CUX1: variants seen among roughly 807,000 people sequenced by gnomAD.
CUX1 encodes protein CASP.
Under a neutral mutation model 158.8 loss-of-function variants are expected in CUX1, and 31 were observed. The observed-to-expected ratio is 0.20, with a 90% CI of 0.15 to 0.26. The LOEUF is 0.26. Ranked by LOEUF, CUX1 falls within the 10% of genes least tolerant of loss-of-function variation. The pLI, the probability that CUX1 is intolerant of heterozygous loss-of-function variation, is 1.00. For missense variants in CUX1, 1,589 were observed against 2,014.6 expected, an observed-to-expected ratio of 0.79 and a Z score of 4.04; for synonymous variants, 879 against 862.1, an observed-to-expected ratio of 1.02 and a Z score of -0.34.
chr7:102,046,347 C>T (rs1822798295), intron 3 of CUX1, among the ~76,000 whole-genome samples: 1 of 152,138 alleles, frequency 6.6e-6, no homozygotes, highest in Non-Finnish European at 1.5e-5. Context: ...ATTCTCCTGC[C>T]TCAGCCTCTG....
chr7:102,070,437 G>A lies in CUX1; in HGVS notation c.268+20G>A. 1 of 1,589,476 alleles carries A rather than the reference G, an allele frequency of 6.3e-7. No homozygotes were observed. ...TCCCAGGTAAGCCCCGGCAGTAATG[G>A]CCCACCAGTGGGGGGCGTTGTGTCT... On this transcript the variant is annotated intron_variant, in intron 4 of 23. Transcript: ENST00000292535.
At chr7:101,984,921 C>T (rs779614726) in intron 2 of CUX1, among the ~76,000 whole-genome samples, 12 of 152,102 alleles carry the variant, frequency 7.9e-5, no homozygotes, top group Admixed American at 2.0e-4. Context: ...TGTTTTAAAA[C>T]GTCTGAGAAT....
chr7:102,068,815 G>A (rs140646420), intron 3 of CUX1, among the ~76,000 whole-genome samples: 33 of 152,242 alleles, frequency 2.2e-4, no homozygotes, highest in Non-Finnish European at 3.5e-4. Context: ...TGCGTGTTTC[G>A]GCTGTAAAGT....
In CUX1 at chr7:102,203,281, C is replaced by G. The variant is rs1297473443; in HGVS notation, c.2907+1077C>G. Among the ~76,000 whole-genome samples, 5 of 152,190 alleles carry G rather than the reference C, an allele frequency of 3.3e-5. No homozygotes were observed. The East Asian group carries it at 9.6e-4, about 29-fold the overall frequency. ...TGAATAGAAGGAGAAGCACCCCTCT[C>G]CCCTAAAAGGCACCTTCCTGAGGGA... On this transcript the variant is annotated intron_variant, in intron 18 of 23. Coordinates refer to ENST00000292535, the MANE Select transcript of CUX1 (RefSeq NM_181552.4).
At chr7:101,952,264 T>C (rs1287042413) in intron 2 of CUX1, among the ~76,000 whole-genome samples, 1 of 152,202 alleles carries the variant, frequency 6.6e-6, no homozygotes, top group Admixed American at 6.5e-5. Flanking sequence ...CATATGCCTG[T>C]ATTCCCAGCT....
At chr7:102,036,922 G>A (rs898192029) in intron 3 of CUX1, among the ~76,000 whole-genome samples, 1 of 152,208 alleles carries the variant, frequency 6.6e-6, no homozygotes, top group Non-Finnish European at 1.5e-5. Context: ...CGAGTGCACT[G>A]GCTGCTATCT....
chr7:102,227,307 G>T (rs781949729), intron 20 of CUX1, 60 bp from the exon 21 acceptor site: 12 of 1,433,640 alleles, frequency 8.4e-6, no homozygotes, highest in Non-Finnish European at 1.2e-5. Context: ...AAGGAACGTA[G>T]ATGGTCGTGG....
rs375606420 is a variant in CUX1 at position 102,066,294 on chromosome 7, T to A, written c.190-4045T>A. Among the ~76,000 whole-genome samples the A allele has an allele frequency of 3.7e-4, 57 of 152,250 alleles. 1 individual carries two copies. The highest frequency in any genetic ancestry group is 1.3e-3 in the African/African-American group (52 of 41,542). ...GTTTCTGTGTCCAGGTTTCTCCTCC[T>A]TATTGGATCCAACTGGACGAGGGCC... is the stretch of plus-strand genomic sequence containing the variant. On this transcript the variant is annotated intron_variant, in intron 3 of 23. Coordinates refer to ENST00000292535, the MANE Select transcript of CUX1 (RefSeq NM_181552.4).
At chr7:101,991,547 T>G (rs1815131969) in intron 2 of CUX1, among the ~76,000 whole-genome samples, 2 of 152,152 alleles carry the variant, frequency 1.3e-5, no homozygotes, top group South Asian at 2.1e-4. Flanking sequence ...TCACTTGAGG[T>G]CAGGAGTTCC....
chr7:102,227,357 T>G lies in CUX1; in HGVS notation c.3131-10T>G. The G allele has an allele frequency of 6.3e-7, 1 of 1,595,220 alleles. No individual in the cohort carries two copies. The highest frequency in any genetic ancestry group is 8.6e-7 in the Non-Finnish European group (1 of 1,166,200). ...TTTCAGGCACGGTTTCTCGTGTGCT[T>G]TAATTACAGAAAGCACTCCAAAGAC... On this transcript the variant is annotated splice_polypyrimidine_tract_variant and intron_variant, in intron 20 of 23. Coordinates refer to ENST00000292535, the MANE Select transcript of CUX1 (RefSeq NM_181552.4).
chr7:102,169,810 C>CCAG (rs1791512843), intron 9 of CUX1, among the ~76,000 whole-genome samples: 1 of 152,206 alleles, frequency 6.6e-6, no homozygotes, highest in South Asian at 2.1e-4. Flanking sequence ...CCCGCAGCCC[C>CCAG]CAGCACTGGT....
chr7:102,038,370 G>C (rs570956837), intron 3 of CUX1, among the ~76,000 whole-genome samples: 1 of 152,264 alleles, frequency 6.6e-6, no homozygotes, highest in South Asian at 2.1e-4. Context: ...GCATGTCAAT[G>C]GGGGGAGAAA....
chr7:101,987,433 C>G (rs1227183954), intron 2 of CUX1, among the ~76,000 whole-genome samples: 1 of 152,200 alleles, frequency 6.6e-6, no homozygotes, highest in Non-Finnish European at 1.5e-5. Flanking sequence ...ATGGTGAGTC[C>G]TGGAGCACTG....
At chr7:101,979,813 C>G (rs921934747) in intron 2 of CUX1, among the ~76,000 whole-genome samples, 1 of 152,158 alleles carries the variant, frequency 6.6e-6, no homozygotes, top group African/African-American at 2.4e-5. Context: ...CCATGCCCAG[C>G]TAATTTTTGT....
intron 1 of CUX1, among the ~76,000 whole-genome samples, chr7:101,870,821 A>G (rs1033034768): frequency 6.6e-6 from 1 of 152,224 alleles, no homozygotes; most frequent in African/African-American, 2.4e-5. Flanking sequence ...TGAGGACAGT[A>G]TAGAGTTTTG....
chr7:102,059,243 T>C (rs1824491326), intron 3 of CUX1, among the ~76,000 whole-genome samples: 1 of 152,212 alleles, frequency 6.6e-6, no homozygotes, highest in African/African-American at 2.4e-5. Context: ...CTTTTAATCT[T>C]GTGCTGTCCC....
intron 2 of CUX1, among the ~76,000 whole-genome samples, chr7:101,922,875 G>C (rs1353076735): frequency 6.6e-6 from 1 of 152,256 alleles, no homozygotes; most frequent in African/African-American, 2.4e-5. Flanking sequence ...CATGTCAGGA[G>C]GGAGCAGCAG....
chr7:102,053,717 T>C (rs775086783), intron 3 of CUX1, among the ~76,000 whole-genome samples: 14 of 152,136 alleles, frequency 9.2e-5, no homozygotes, highest in Non-Finnish European at 1.9e-4. Flanking sequence ...CCTGGCTAAT[T>C]GTTTTTTTAT....
intron 23 of CUX1, among the ~76,000 whole-genome samples, chr7:102,243,897 C>T (rs1554535909): frequency 6.6e-6 from 1 of 151,962 alleles, no homozygotes; most frequent in East Asian, 1.9e-4. Context: ...TGTGGTGGCA[C>T]ATGCCTGTAA....
Sources: gnomAD v4.1 joint callset for allele counts (sites outside exome capture counted in the v4.1 genomes callset) on GRCh38, gnomAD v4.1.1 for gene constraint, MANE v1.5 for transcripts, NCBI Gene and HGNC (gene_info 2026-07-23, HGNC 2026-07-21) for gene names.